Variants in SCARB1 observed in about 807,000 individuals in gnomAD.
The protein encoded by SCARB1 is scavenger receptor class B member 1, also known as CD36 and LIMPII analogous 1.
SCARB1 carries 30 observed loss-of-function variants against 57.2 expected under a neutral mutation model. That is an observed-to-expected ratio of 0.52 (90% CI 0.39 to 0.71). The LOEUF is 0.71. Ranked by LOEUF, SCARB1 falls within the 30% of genes least tolerant of loss-of-function variation. The pLI is 0.00. For synonymous variants in SCARB1, 249 were observed against 268.3 expected (o/e 0.93, Z 0.70); for missense variants, 543 against 671.2 (o/e 0.81, Z 2.11).
intron 7 of SCARB1, among the ~76,000 whole-genome samples, chr12:124,801,599 A>G (rs1950132606): frequency 6.6e-6 from 1 of 152,102 alleles, no homozygotes; most frequent in Non-Finnish European, 1.5e-5. Context: ...CCTGGGCAAC[A>G]TGGTGAGACC....
rs1338511484 is a variant in SCARB1 at position 124,778,413 on chromosome 12, T to C, written c.*174A>G. ...GCACAAGCCTGCACGCATGTGTGTA[T>C]GTGTGCCAGGGCGTGTGTGCAGGTG... On this transcript the variant is annotated 3_prime_UTR_variant, in exon 13 of 13. Transcript: ENST00000261693. The C allele has an allele frequency of 7.9e-7, 1 of 1,272,974 alleles. No homozygotes were observed. The highest frequency in any genetic ancestry group is 9.9e-7 in the Non-Finnish European group (1 of 1,007,386). The allele number at this position is 1,272,974 out of a possible 1,614,324, so 78.9% of individuals were successfully genotyped here.
chr12:124,776,904 A>G lies in SCARB1; in HGVS notation c.*1683T>C, dbSNP rs1872531746. On this transcript the variant is annotated 3_prime_UTR_variant, in exon 13 of 13. Transcript: ENST00000261693. The stretch of plus-strand genomic sequence containing the variant: ...GTTGCAGGCAAGTATAGGAGTGATT[A>G]ATAAAAGGCTTAAAAGCATCAAATA... The G allele has an allele frequency of 6.6e-6, 1 of 152,248 alleles. No individual in the cohort carries two copies. Among genetic ancestry groups the G allele is most frequent in the Middle Eastern group, 3.2e-3 (1 of 316 alleles). 9.4% of individuals were successfully genotyped at this position (152,248 alleles called of 1,614,324 possible).
intron 1 of SCARB1, among the ~76,000 whole-genome samples, chr12:124,819,470 A>T (rs981640218): frequency 2.0e-5 from 3 of 152,276 alleles, no homozygotes; most frequent in African/African-American, 7.2e-5. Flanking sequence ...CCTGGGGTCC[A>T]CTTGGACTCC....
intron 1 of SCARB1, among the ~76,000 whole-genome samples, chr12:124,827,327 A>T (rs1490663066): frequency 6.6e-6 from 1 of 152,198 alleles, no homozygotes; most frequent in African/African-American, 2.4e-5. Flanking sequence ...TACATACATC[A>T]GCTAACAGAA....
intron 1 of SCARB1, among the ~76,000 whole-genome samples, chr12:124,848,047 G>A (rs1336699183): frequency 6.6e-6 from 1 of 152,152 alleles, no homozygotes; most frequent in African/African-American, 2.4e-5. Context: ...AAAAACACAT[G>A]AGGCAACCAG....
intron 7 of SCARB1, among the ~76,000 whole-genome samples, chr12:124,802,594 C>T (rs142138286): frequency 1.3e-4 from 20 of 152,290 alleles, no homozygotes; most frequent in East Asian, 3.9e-4. Flanking sequence ...TGCCAGCCCC[C>T]GCCCTTGCTT....
At chr12:124,815,408 A>C (rs1395061856) in intron 2 of SCARB1, among the ~76,000 whole-genome samples, 1 of 152,198 alleles carries the variant, frequency 6.6e-6, no homozygotes, top group Non-Finnish European at 1.5e-5. Context: ...TTCACAGGGC[A>C]GCTGTGGGGA....
intron 1 of SCARB1, among the ~76,000 whole-genome samples, chr12:124,861,951 G>A (rs1566275046): frequency 6.6e-6 from 1 of 151,912 alleles, no homozygotes; most frequent in Non-Finnish European, 1.5e-5. Context: ...CTTGAAATAA[G>A]CCCCCGAATA....
intron 1 of SCARB1, among the ~76,000 whole-genome samples, chr12:124,826,494 G>A (rs58186937): frequency 4.0e-5 from 6 of 151,880 alleles, no homozygotes; most frequent in East Asian, 1.9e-4. Flanking sequence ...ACAGAGTCTC[G>A]CTCAGTTGCC....
rs990642498 is a variant in SCARB1, at chr12:124,778,402, G to C, written c.*185C>G. On this transcript the variant is annotated 3_prime_UTR_variant, in exon 13 of 13. Coordinates refer to ENST00000261693, the MANE Select transcript of SCARB1 (RefSeq NM_005505.5). ...CCTGAGTGTCTGCACAAGCCTGCAC[G>C]CATGTGTGTATGTGTGCCAGGGCGT... is the stretch of plus-strand genomic sequence containing the variant. 4.8e-6 allele frequency: 6 copies of C among 1,252,038 alleles called. No homozygotes were observed. The highest frequency in any genetic ancestry group is 6.0e-6 in the Non-Finnish European group (6 of 993,428). The allele number at this position is 1,252,038 out of a possible 1,614,324, so 77.6% of individuals were successfully genotyped here.
intron 1 of SCARB1, among the ~76,000 whole-genome samples, chr12:124,834,053 A>T (rs1395308248): frequency 6.6e-6 from 1 of 152,192 alleles, no homozygotes; most frequent in Admixed American, 6.5e-5. Flanking sequence ...CAGTGACACG[A>T]GGGTGTCCAG....
At chr12:124,829,487 G>C (rs1053737349) in intron 1 of SCARB1, among the ~76,000 whole-genome samples, 1 of 152,174 alleles carries the variant, frequency 6.6e-6, no homozygotes, top group Non-Finnish European at 1.5e-5. Flanking sequence ...AGTGACCTAT[G>C]AGGTCTTGCA....
At chr12:124,780,796 T>C (rs932649543) in intron 12 of SCARB1, among the ~76,000 whole-genome samples, 12 of 152,180 alleles carry the variant, frequency 7.9e-5, no homozygotes, top group South Asian at 2.1e-4. Context: ...CATGGGGCCC[T>C]GGCCACTCTA....
intron 1 of SCARB1, among the ~76,000 whole-genome samples, chr12:124,851,404 C>T (rs11057864): frequency 1.3e-5 from 2 of 151,922 alleles, no homozygotes; most frequent in South Asian, 4.1e-4. Context: ...TGACACTAAC[C>T]AAGTCTACTT....
Position 124,814,248 on chromosome 12 carries a change from A to AGGGG in SCARB1, c.583_584insCCCC (p.Phe195SerfsTer17). ...GTCCTTGAAGGGGAACATGCCTGGA[A>AGGGG]AGTACTTGTTGATGAGATTCACAAG... On this transcript the variant is annotated frameshift_variant, in exon 4 of 13. Transcript: ENST00000261693. LOFTEE classifies it high-confidence loss of function. The surrounding 1 kb of genome is among the most constrained non-coding windows in gnomAD (Gnocchi z 4.7). The AGGGG allele has an allele frequency of 6.2e-7, 1 of 1,614,222 alleles. No individual in the cohort carries two copies. The highest frequency in any genetic ancestry group is 1.1e-5 in the South Asian group (1 of 91,086).
At chr12:124,856,057 G>C (rs975051849) in intron 1 of SCARB1, among the ~76,000 whole-genome samples, 3 of 152,240 alleles carry the variant, frequency 2.0e-5, no homozygotes, top group Non-Finnish European at 4.4e-5. Context: ...TCCCGGCGGA[G>C]GCACAGCAAG....
chr12:124,780,525 C>T (rs1873244225), intron 12 of SCARB1, among the ~76,000 whole-genome samples: 1 of 152,210 alleles, frequency 6.6e-6, no homozygotes, highest in Non-Finnish European at 1.5e-5. Flanking sequence ...AGGGGGACCA[C>T]CAGCCACCAC....
intron 11 of SCARB1, 163 bp downstream of exon 11, chr12:124,786,194 G>A (rs780067272): frequency 2.1e-5 from 34 of 1,593,150 alleles, no homozygotes; most frequent in African/African-American, 6.7e-5. Context: ...AGCGTGCTGC[G>A]CAGCCCCCAG....
At chr12:124,840,481 C>A (rs919919215) in intron 1 of SCARB1, among the ~76,000 whole-genome samples, 22 of 152,170 alleles carry the variant, frequency 1.4e-4, no homozygotes, top group African/African-American at 5.3e-4. Flanking sequence ...TGGCTGCCTG[C>A]ATGTCTTCTT....
Sources: allele counts gnomAD v4.1 joint callset (sites outside exome capture counted in the v4.1 genomes callset), GRCh38; gene constraint gnomAD v4.1.1; non-coding constraint Gnocchi (gnomAD v3.1); transcripts MANE v1.5; gene names NCBI Gene and HGNC (gene_info 2026-07-23, HGNC 2026-07-21).